The following PPARGC1A variants were observed in gnomAD, a reference collection of about 807,000 sequenced individuals.
PPARGC1A encodes PPARG coactivator 1 alpha.
A neutral mutation model predicts 88.7 loss-of-function variants in PPARGC1A; 25 were observed. That is an observed-to-expected ratio of 0.28 (90% CI 0.21 to 0.39). The LOEUF is 0.39. Ranked by LOEUF, PPARGC1A falls within the 10% of genes least tolerant of loss-of-function variation. PPARGC1A has a pLI of 1.00. For synonymous variants in PPARGC1A, 363 were observed against 355.6 expected (o/e 1.02, Z -0.24); for missense variants, 880 against 968.7 (o/e 0.91, Z 1.22).
chr4:23,985,559 CAT>C, the PPARGC1A span, among the ~76,000 whole-genome samples: 3 of 150,406 alleles, frequency 2.0e-5, no homozygotes, highest in East Asian at 5.9e-4. Context: ...GCTAAACAGA[CAT>C]GTAGTAAGCA....
chr4:24,297,871 T>A, the PPARGC1A span, among the ~76,000 whole-genome samples: 1 of 152,088 alleles, frequency 6.6e-6, no homozygotes, highest in Non-Finnish European at 1.5e-5. Flanking sequence ...GTCAATCGGG[T>A]TTTTTGTTGC....
chr4:23,801,952 T>C (rs973034609), intron 11 of PPARGC1A, 71 bp from the exon 12 acceptor site: 120 of 1,558,520 alleles, frequency 7.7e-5, no homozygotes, highest in Non-Finnish European at 9.8e-5. Context: ...CCCTTTCTAC[T>C]TTGTGAGACT....
the PPARGC1A span, among the ~76,000 whole-genome samples, chr4:24,093,928 C>T: frequency 6.6e-6 from 1 of 152,256 alleles, no homozygotes; most frequent in South Asian, 2.1e-4. Flanking sequence ...ATCTAGTTCC[C>T]CTCTGCTTCC....
the PPARGC1A span, among the ~76,000 whole-genome samples, chr4:23,932,328 C>A: frequency 7.5e-6 from 1 of 133,732 alleles, no homozygotes; most frequent in Non-Finnish European, 1.6e-5. Flanking sequence ...CTATCTAGTC[C>A]ATCCTCCTCC....
At chr4:24,002,097 C>CACACAGAG in the PPARGC1A span, among the ~76,000 whole-genome samples, 2,034 of 125,278 alleles carry the variant, frequency 0.016, 60 homozygotes, top group African/African-American at 0.063. Flanking sequence ...CACACACACA[C>CACACAGAG]AGAGAGAGAG....
At chr4:24,154,434 T>C in the PPARGC1A span, among the ~76,000 whole-genome samples, 2 of 152,234 alleles carry the variant, frequency 1.3e-5, no homozygotes, top group African/African-American at 4.8e-5. Flanking sequence ...AACATTTGTA[T>C]TGTATGGCAG....
chr4:24,308,334 A>G, the PPARGC1A span, among the ~76,000 whole-genome samples: 1 of 151,930 alleles, frequency 6.6e-6, no homozygotes. Context: ...AAAAAGAAAG[A>G]AAAGAAATCA....
At chr4:24,206,793 T>C in the PPARGC1A span, among the ~76,000 whole-genome samples, 3 of 125,912 alleles carry the variant, frequency 2.4e-5, no homozygotes, top group South Asian at 2.7e-4. Context: ...TGAGCCAAGA[T>C]TGCAACCACT....
the PPARGC1A span, among the ~76,000 whole-genome samples, chr4:24,181,048 T>A: frequency 3.2e-4 from 48 of 152,196 alleles, no homozygotes; most frequent in Admixed American, 2.3e-3. Flanking sequence ...TGGGAACATA[T>A]TTTTGTCCCT....
intron 2 of PPARGC1A, chr4:23,883,039 A>G (rs1716241312): frequency 6.6e-6 from 1 of 152,132 alleles, no homozygotes; most frequent in Non-Finnish European, 1.5e-5. Context: ...TTTTTAAAGC[A>G]TTGTTTATTT....
At chr4:24,113,251 G>C in the PPARGC1A span, among the ~76,000 whole-genome samples, 1 of 151,650 alleles carries the variant, frequency 6.6e-6, no homozygotes, top group African/African-American at 2.4e-5. Context: ...ACGTTCAGTA[G>C]GTGAGTAGGT....
chr4:23,907,286 C>A (rs965368505), upstream of PPARGC1A, among the ~76,000 whole-genome samples: 1 of 152,136 alleles, frequency 6.6e-6, no homozygotes, highest in Admixed American at 6.5e-5. Flanking sequence ...ATGAAAGTTG[C>A]ATGCATTGAT....
In PPARGC1A at chr4:23,801,931, T is replaced by C. The variant is rs186222679; in HGVS notation, c.2142-50A>G. On this transcript the variant is annotated intron_variant, in intron 11 of 12. Coordinates refer to ENST00000264867, the MANE Select transcript of PPARGC1A (RefSeq NM_013261.5). The stretch of plus-strand genomic sequence containing the variant: ...AAGCTGGTTAAGAAGTATTAGTATA[T>C]GGGACTGTAACCCTTTCTACTTTGT... The C allele has an allele frequency of 6.9e-6, 11 of 1,602,844 alleles. No homozygotes were observed. The South Asian group carries it at 1.1e-4, about 16-fold the overall frequency.
chr4:24,413,725 C>CTCTT, the PPARGC1A span, among the ~76,000 whole-genome samples: 3,462 of 152,234 alleles, frequency 0.023, 119 homozygotes, highest in African/African-American at 0.076. Context: ...GGAGAAAGAT[C>CTCTT]TCTTGCCCAA....
chr4:24,250,448 G>A, the PPARGC1A span, among the ~76,000 whole-genome samples: 1,410 of 152,230 alleles, frequency 9.3e-3, 14 homozygotes, highest in South Asian at 0.028. Flanking sequence ...AGATACACAG[G>A]TGTCATCCTG....
chr4:23,882,983 T>A (rs1295582607), intron 2 of PPARGC1A: 1 of 152,170 alleles, frequency 6.6e-6, no homozygotes, highest in Non-Finnish European at 1.5e-5. Context: ...ATTCACCTGA[T>A]ATGAAATAGG....
At chr4:23,981,542 G>A in the PPARGC1A span, among the ~76,000 whole-genome samples, 6 of 152,078 alleles carry the variant, frequency 3.9e-5, no homozygotes, top group African/African-American at 1.4e-4. Context: ...CCTGGAAAAT[G>A]AGATCAGCAT....
rs907517731 is a variant in PPARGC1A at position 23,795,861 on chromosome 4, A to G, written c.2358T>C (p.Asp786=). The part of the protein sequence containing the change: ...TKSKYDSLDF[D]SLLKEAQRSL... ...TTCTCTGAGCTTCTTTCAGTAAACT[A>G]TCAAAATCCAGAGAGTCATACTTGC... The change falls in exon 13 of 13, where the codon GAT becomes GAC. Residue 786 remains aspartate (D), a synonymous_variant. Transcript: ENST00000264867. 16 of 1,611,560 alleles carry G rather than the reference A, an allele frequency of 9.9e-6. No individual in the cohort carries two copies. Among genetic ancestry groups the G allele is most frequent in the African/African-American group, 2.7e-5 (2 of 74,580 alleles).
intron 1 of PPARGC1A, chr4:23,888,812 G>C (rs1717334168): frequency 7.8e-6 from 3 of 386,390 alleles, no homozygotes; most frequent in Non-Finnish European, 1.1e-5. Context: ...ATCAAATCAC[G>C]TGTGGGCTTG....
Sources: allele counts gnomAD v4.1 joint callset (sites outside exome capture counted in the v4.1 genomes callset), GRCh38; gene constraint gnomAD v4.1.1; transcripts MANE v1.5; gene names NCBI Gene and HGNC (gene_info 2026-07-23, HGNC 2026-07-21).